Variants in MORF4L1 observed in about 807,000 individuals in gnomAD.
The protein encoded by MORF4L1 is mortality factor 4 like 1, also known as mortality factor 4-like protein 1.
MORF4L1 carries 4 observed loss-of-function variants against 52.9 expected under a neutral mutation model. That is an observed-to-expected ratio of 0.08 (90% CI 0.04 to 0.17). MORF4L1 has a LOEUF of 0.17. Ranked by LOEUF, MORF4L1 falls within the 10% of genes least tolerant of loss-of-function variation. The pLI, the probability that MORF4L1 is intolerant of heterozygous loss-of-function variation, is 1.00. For missense variants in MORF4L1, 214 were observed against 390.4 expected, an observed-to-expected ratio of 0.55 and a Z score of 3.81; for synonymous variants, 123 against 134.8, an observed-to-expected ratio of 0.91 and a Z score of 0.61.
intron 11 of MORF4L1, among the ~76,000 whole-genome samples, chr15:78,895,334 A>T (rs150280913): frequency 6.6e-6 from 1 of 152,374 alleles, no homozygotes; most frequent in East Asian, 1.9e-4. Flanking sequence ...GAAATGAACA[A>T]ACCAGTGAAA....
At chr15:78,895,759 G>A (rs1211263070) in intron 11 of MORF4L1, among the ~76,000 whole-genome samples, 1 of 152,122 alleles carries the variant, frequency 6.6e-6, no homozygotes, top group African/African-American at 2.4e-5. Flanking sequence ...GGAAGGGAGG[G>A]TGGGAGTTTT....
At chr15:78,879,261 G>A (rs556180461) in intron 2 of MORF4L1, among the ~76,000 whole-genome samples, 36 of 151,500 alleles carry the variant, frequency 2.4e-4, no homozygotes, top group Non-Finnish European at 4.6e-4. Flanking sequence ...TTGCTCTGTC[G>A]CCCAGGCTGG....
chr15:78,892,717 G>C (rs74835562), intron 8 of MORF4L1: 9,155 of 155,656 alleles, frequency 0.059, 275 homozygotes, highest in Middle Eastern at 0.13. Flanking sequence ...TGGATCTATT[G>C]TTAGTTTGCA....
At position 78,897,128 on chromosome 15, in the gene MORF4L1, C is replaced by G. The variant is rs878961005; in HGVS notation, c.*61C>G. ...AAACACATTTTTGTTCTTAGTCTAT[C>G]TCTTGTACAAACGATGTGCTTTGAA... is the stretch of plus-strand genomic sequence containing the variant. On this transcript the variant is annotated 3_prime_UTR_variant, in exon 12 of 12. Coordinates refer to ENST00000426013, the MANE Select transcript of MORF4L1 (RefSeq NM_006791.4). The G allele has an allele frequency of 6.1e-6, 8 of 1,317,960 alleles. No individual in the cohort carries two copies. The highest frequency in any genetic ancestry group is 6.0e-5 in the South Asian group (5 of 83,686). 81.6% of individuals were successfully genotyped at this position (1,317,960 alleles called of 1,614,324 possible).
chr15:78,891,300 A>G (rs1380320084), intron 6 of MORF4L1, 184 bp from the exon 7 acceptor site: 4 of 655,556 alleles, frequency 6.1e-6, no homozygotes, highest in East Asian at 2.7e-5. Context: ...TGTCTATACT[A>G]AATGTTCGGT....
chr15:78,896,890 G>A, intron 11 of MORF4L1, 93 bp from the exon 12 acceptor site: 1 of 923,438 alleles, frequency 1.1e-6, no homozygotes, highest in Non-Finnish European at 1.7e-6. Flanking sequence ...TTAGGAAAGT[G>A]TTTTCTGTGG....
At chr15:78,892,128 G>A (rs2141482345) in intron 7 of MORF4L1, 84 bp from the exon 8 acceptor site, 1 of 830,382 alleles carries the variant, frequency 1.2e-6, no homozygotes. Flanking sequence ...TTTATCCCTA[G>A]TGCCTCTAAA....
At position 78,873,621 on chromosome 15, in the gene MORF4L1, T is replaced by G. The variant is rs1352472533; in HGVS notation, c.40+564T>G. 5 of 162,412 alleles carry G rather than the reference T, an allele frequency of 3.1e-5. No individual in the cohort carries two copies. The South Asian group carries it at 6.6e-4, about 22-fold the overall frequency. 10.1% of individuals were successfully genotyped at this position (162,412 alleles called of 1,614,324 possible). A position where few individuals can be genotyped will look rare whatever the true frequency, so the allele number is the denominator to read the frequency against. ...CCGTTGCAAGATGGCGGCGCCATCA[T>G]GGCCGCCGGCGTCTCGGTCCCGTAT... is the stretch of plus-strand genomic sequence containing the variant. On this transcript the variant is annotated intron_variant, in intron 1 of 11. Coordinates refer to ENST00000426013, the MANE Select transcript of MORF4L1 (RefSeq NM_006791.4).
chr15:78,882,995 A>T (rs1481081508), intron 3 of MORF4L1, among the ~76,000 whole-genome samples: 1 of 152,134 alleles, frequency 6.6e-6, no homozygotes, highest in Non-Finnish European at 1.5e-5. Flanking sequence ...CGGTTGGATC[A>T]TTTGAGGTCA....
chr15:78,874,579 CTTTCTTTTTTT>C (rs1199949765), intron 1 of MORF4L1, among the ~76,000 whole-genome samples: 1 of 97,698 alleles, frequency 1.0e-5, no homozygotes, highest in Non-Finnish European at 1.9e-5. Context: ...TTTTCTTTTT[CTTTCTTTTTTT>C]TTTTTTTTTT....
chr15:78,896,047 C>T (rs34449854), intron 11 of MORF4L1, among the ~76,000 whole-genome samples: 34,303 of 152,008 alleles, frequency 0.23, 4,224 homozygotes, highest in Non-Finnish European at 0.27. Context: ...GATGCGATCA[C>T]AGCTCACTAC....
At position 78,897,238 on chromosome 15, in the gene MORF4L1, C is replaced by A; in HGVS notation, c.*171C>A. 3 of 486,800 alleles carry A rather than the reference C, an allele frequency of 6.2e-6. No homozygotes were observed. Among genetic ancestry groups the A allele is most frequent in the Non-Finnish European group, 7.5e-6 (2 of 266,050 alleles). The allele number at this position is 486,800 out of a possible 1,614,324, so 30.2% of individuals were successfully genotyped here. A position where few individuals can be genotyped will look rare whatever the true frequency, so the allele number is the denominator to read the frequency against. ...AAAAGGGGGTAATAGCTCCTTTTTT[C>A]TTCTTTCTTTTTTTTTTTCATTTCA... On this transcript the variant is annotated 3_prime_UTR_variant, in exon 12 of 12. Transcript: ENST00000426013.
At chr15:78,886,694 G>T (rs1380080684) in intron 4 of MORF4L1, among the ~76,000 whole-genome samples, 6 of 152,154 alleles carry the variant, frequency 3.9e-5, no homozygotes, top group Non-Finnish European at 8.8e-5. Flanking sequence ...AGTGGCTCAC[G>T]CCTGTAATCC....
chr15:78,893,733 A>G, intron 9 of MORF4L1, 106 bp downstream of exon 9: 1 of 765,332 alleles, frequency 1.3e-6, no homozygotes. Flanking sequence ...ACCACCAGAA[A>G]CTAGCAAAAT....
chr15:78,878,190 C>G (rs555103047), intron 1 of MORF4L1, 23 bp from the exon 2 acceptor site: 30 of 1,601,378 alleles, frequency 1.9e-5, no homozygotes, highest in Non-Finnish European at 2.4e-5. Context: ...AATTACAATT[C>G]AGTACTTTTT....
chr15:78,873,224 T>C, intron 1 of MORF4L1, 167 bp downstream of exon 1: 6 of 1,512,234 alleles, frequency 4.0e-6, no homozygotes, highest in Non-Finnish European at 5.3e-6. Flanking sequence ...TTCCGGTGCG[T>C]CATTGTGAGA....
intron 5 of MORF4L1, among the ~76,000 whole-genome samples, chr15:78,887,880 G>A (rs957801551): frequency 3.9e-5 from 6 of 152,210 alleles, no homozygotes; most frequent in Non-Finnish European, 8.8e-5. Context: ...CTGGGTTCAA[G>A]TGATTCTCCT....
chr15:78,877,689 C>T (rs2056521543), intron 1 of MORF4L1: 1 of 152,244 alleles, frequency 6.6e-6, no homozygotes, highest in Non-Finnish European at 1.5e-5. Context: ...AGCAACTTAG[C>T]ACCTAGAACA....
rs2056798498 is a variant in MORF4L1, at chr15:78,891,354, T to C, written c.350-130T>C. 20 of 740,508 alleles carry C rather than the reference T, an allele frequency of 2.7e-5. No homozygotes were observed. The South Asian group carries it at 3.6e-4, about 13-fold the overall frequency. 45.9% of individuals were successfully genotyped at this position (740,508 alleles called of 1,614,324 possible). A position where few individuals can be genotyped will look rare whatever the true frequency, so the allele number is the denominator to read the frequency against. ...TGTATTTTTGGTAGGAATATGATTC[T>C]TTAACTTAGATTGAGGTAACAGCTG... On this transcript the variant is annotated intron_variant, in intron 6 of 11. Transcript: ENST00000426013.
Sources: gnomAD v4.1 joint callset for allele counts (sites outside exome capture counted in the v4.1 genomes callset) on GRCh38, gnomAD v4.1.1 for gene constraint, MANE v1.5 for transcripts, NCBI Gene and HGNC (gene_info 2026-07-23, HGNC 2026-07-21) for gene names.